SAMMSON: variants seen among roughly 807,000 people sequenced by gnomAD.
The protein encoded by SAMMSON is long intergenic non-protein coding RNA 1212.
chr3:70,318,656 A>G (rs1343692026), intron 7 of SAMMSON, among the ~76,000 whole-genome samples: 2 of 151,840 alleles, frequency 1.3e-5, no homozygotes, highest in East Asian at 3.9e-4. Flanking sequence ...AGTGGGTTAC[A>G]TTTTCTTGAT....
intron 4 of SAMMSON, among the ~76,000 whole-genome samples, chr3:70,078,277 C>T (rs1439204288): frequency 6.6e-6 from 1 of 152,110 alleles, no homozygotes; most frequent in Non-Finnish European, 1.5e-5. Flanking sequence ...CTTCCAGTGT[C>T]ACCAGTTAGA....
chr3:70,307,547 G>A (rs1018180193), intron 7 of SAMMSON, among the ~76,000 whole-genome samples: 3 of 151,718 alleles, frequency 2.0e-5, no homozygotes, highest in African/African-American at 4.8e-5. Context: ...CCTCCATAAA[G>A]TTTTCACATT....
intron 4 of SAMMSON, among the ~76,000 whole-genome samples, chr3:70,151,001 G>A (rs535146439): frequency 6.6e-6 from 1 of 152,058 alleles, no homozygotes; most frequent in African/African-American, 2.4e-5. Context: ...TAGATATATA[G>A]ATATACACAC....
At chr3:70,232,502 T>G (rs566668930) in intron 4 of SAMMSON, among the ~76,000 whole-genome samples, 2 of 151,590 alleles carry the variant, frequency 1.3e-5, no homozygotes, top group South Asian at 4.2e-4. Flanking sequence ...CGGGTTCAAG[T>G]GATTCTCCTG....
At chr3:70,095,557 A>G (rs1303563037) in intron 4 of SAMMSON, among the ~76,000 whole-genome samples, 1 of 152,136 alleles carries the variant, frequency 6.6e-6, no homozygotes, top group Non-Finnish European at 1.5e-5. Flanking sequence ...TGTTAGCATG[A>G]TTTTAGCATT....
chr3:70,108,420 T>G (rs1245564806), intron 4 of SAMMSON, among the ~76,000 whole-genome samples: 1 of 139,592 alleles, frequency 7.2e-6, no homozygotes, highest in Admixed American at 7.3e-5. Flanking sequence ...ACTCTTGCGG[T>G]TCCTTTTTTT....
chr3:70,262,549 A>G (rs12488604), intron 6 of SAMMSON, among the ~76,000 whole-genome samples: 9,606 of 152,228 alleles, frequency 0.063, 370 homozygotes, highest in South Asian at 0.12. Flanking sequence ...ATTTACTGTC[A>G]TAATAAAGGA....
intron 6 of SAMMSON, chr3:70,283,508 C>G (rs1384472353): frequency 2.0e-5 from 3 of 152,132 alleles, no homozygotes; most frequent in African/African-American, 7.2e-5. Context: ...TGAGGTCAGT[C>G]TCAGAACTAG....
chr3:70,265,475 C>A (rs1043343263), intron 6 of SAMMSON, among the ~76,000 whole-genome samples: 1 of 152,006 alleles, frequency 6.6e-6, no homozygotes, highest in Non-Finnish European at 1.5e-5. Context: ...CACCCTGCTC[C>A]ATGCTACCTC....
intron 7 of SAMMSON, among the ~76,000 whole-genome samples, chr3:70,324,720 C>T (rs1397609403): frequency 1.3e-5 from 2 of 152,030 alleles, no homozygotes; most frequent in African/African-American, 4.8e-5. Flanking sequence ...TGCTGATGTG[C>T]AGTGTAATTC....
At chr3:70,003,944 A>G (rs1003557098) in intron 1 of SAMMSON, among the ~76,000 whole-genome samples, 2 of 151,914 alleles carry the variant, frequency 1.3e-5, no homozygotes, top group East Asian at 3.9e-4. Flanking sequence ...ATTTGCATAT[A>G]TTTTATATAT....
At chr3:70,107,717 C>T (rs1271037394) in intron 4 of SAMMSON, among the ~76,000 whole-genome samples, 4 of 151,080 alleles carry the variant, frequency 2.6e-5, no homozygotes, top group South Asian at 2.1e-4. Context: ...ATTTGTCATA[C>T]GAATTAATAG....
At chr3:70,018,465 C>T (rs1453021115) in intron 3 of SAMMSON, among the ~76,000 whole-genome samples, 3 of 152,058 alleles carry the variant, frequency 2.0e-5, no homozygotes, top group African/African-American at 7.3e-5. Context: ...TTTGATTCTT[C>T]TCTCTTTTCT....
At chr3:70,245,557 T>C (rs916380740) in intron 4 of SAMMSON, among the ~76,000 whole-genome samples, 1 of 150,870 alleles carries the variant, frequency 6.6e-6, no homozygotes, top group African/African-American at 2.4e-5. Flanking sequence ...GATGCCAACC[T>C]TAACTAGTAA....
At chr3:70,020,770 A>G (rs776499161) in intron 3 of SAMMSON, among the ~76,000 whole-genome samples, 3 of 152,156 alleles carry the variant, frequency 2.0e-5, no homozygotes, top group East Asian at 1.9e-4. Context: ...GCCTTTTACA[A>G]TTCAGGCATG....
At position 70,328,570 on chromosome 3, in the gene SAMMSON, C is replaced by T. The variant is rs149095924; in HGVS notation, n.740-25605C>T. Among the ~76,000 whole-genome samples, 122 of 152,070 alleles carry T rather than the reference C, an allele frequency of 8.0e-4. 1 individual carries two copies. Among genetic ancestry groups the T allele is most frequent in the African/African-American group, 2.7e-3 (114 of 41,484 alleles). ...ATAAGAAAGAACAGATTAAGGACTGCAGAAGAAAATATGAGTGACCCTGGA... is the reference window on the plus strand; with the variant it reads ...ATAAGAAAGAACAGATTAAGGACTGTAGAAGAAAATATGAGTGACCCTGGA... On this transcript the variant is annotated intron_variant and non_coding_transcript_variant, in intron 7 of 9. Coordinates refer to ENST00000642114, the Ensembl canonical transcript of SAMMSON.
chr3:70,339,291 T>TA (rs750215612), intron 7 of SAMMSON, among the ~76,000 whole-genome samples: 8 of 151,944 alleles, frequency 5.3e-5, no homozygotes, highest in Admixed American at 2.0e-4. Flanking sequence ...CCTAAAATCA[T>TA]AAAAAACCCT....
intron 4 of SAMMSON, among the ~76,000 whole-genome samples, chr3:70,213,421 G>A (rs1188881564): frequency 6.6e-6 from 1 of 152,084 alleles, no homozygotes; most frequent in East Asian, 1.9e-4. Flanking sequence ...TAAAATGAGT[G>A]TATATTTCAA....
chr3:70,072,698 C>T (rs1164319613), intron 4 of SAMMSON: 2 of 132,878 alleles, frequency 1.5e-5, no homozygotes, highest in Non-Finnish European at 3.2e-5. Flanking sequence ...GGTGTCAGTA[C>T]AAAACAGGTG....
Sources: allele counts gnomAD v4.1 joint callset (sites outside exome capture counted in the v4.1 genomes callset), GRCh38; gene constraint gnomAD v4.1.1; transcripts MANE v1.5; gene names NCBI Gene and HGNC (gene_info 2026-07-23, HGNC 2026-07-21).